Variants in TANGO6 observed in about 807,000 individuals in gnomAD.
TANGO6 encodes the protein transport and Golgi organization protein 6 homolog.
In TANGO6, 90 loss-of-function variants were observed where a neutral mutation model predicts 114.2. The observed-to-expected ratio is 0.79, with a 90% CI of 0.66 to 0.94. The LOEUF (loss-of-function observed/expected upper bound fraction) is 0.94, where lower values mean the gene tolerates loss of function less well. Ranked by LOEUF, TANGO6 falls within the 40% of genes least tolerant of loss-of-function variation. The pLI, the probability that TANGO6 is intolerant of heterozygous loss-of-function variation, is 0.00. For synonymous variants in TANGO6, 477 were observed against 509.8 expected, an observed-to-expected ratio of 0.94 and a Z score of 0.87; for missense variants, 1,274 against 1,315.3, an observed-to-expected ratio of 0.97 and a Z score of 0.49.
intron 15 of TANGO6, among the ~76,000 whole-genome samples, chr16:68,996,889 G>A (rs1216449012): frequency 6.6e-6 from 1 of 152,130 alleles, no homozygotes; most frequent in Admixed American, 6.5e-5. Flanking sequence ...CCTGGAGCCT[G>A]GAAAGAAGAT....
intron 15 of TANGO6, among the ~76,000 whole-genome samples, chr16:69,018,091 C>T (rs1339432115): frequency 6.1e-5 from 9 of 146,438 alleles, no homozygotes; most frequent in East Asian, 2.0e-4. Flanking sequence ...TTAGTAGAGA[C>T]GAGGTTTCAC....
chr16:68,920,574 A>T (rs1597020273), intron 12 of TANGO6, among the ~76,000 whole-genome samples: 1 of 152,082 alleles, frequency 6.6e-6, no homozygotes, highest in Admixed American at 6.6e-5. Context: ...TATGAAATCT[A>T]CCCTGCAGCC....
chr16:68,993,816 T>C (rs1963966944), intron 15 of TANGO6, among the ~76,000 whole-genome samples: 1 of 152,244 alleles, frequency 6.6e-6, no homozygotes. Flanking sequence ...GATTTTTTTC[T>C]TCTTTCAGTT....
At position 68,908,363 on chromosome 16, in the gene TANGO6, G is replaced by A. The variant is rs536421853; in HGVS notation, c.1800+788G>A. Among the ~76,000 whole-genome samples the A allele has an allele frequency of 2.6e-3, 392 of 152,074 alleles. 2 individuals carry two copies. The highest frequency in any genetic ancestry group is 8.2e-3 in the African/African-American group (340 of 41,496). ...CCCAGCAATACTCTTTCTAAATCAC[G>A]TTCCAAGGGGATGTGCTCTTAATTG... On this transcript the variant is annotated intron_variant, in intron 10 of 17. Transcript: ENST00000261778.
At chr16:68,859,376 G>T (rs184121222) in intron 1 of TANGO6, among the ~76,000 whole-genome samples, 1 of 152,022 alleles carries the variant, frequency 6.6e-6, no homozygotes, top group East Asian at 1.9e-4. Flanking sequence ...TCACTGTGTC[G>T]CCCAGGCTGG....
At chr16:68,991,264 C>T (rs2152218193) in intron 15 of TANGO6, among the ~76,000 whole-genome samples, 1 of 152,194 alleles carries the variant, frequency 6.6e-6, no homozygotes, top group East Asian at 1.9e-4. Context: ...TTAAAGGAAA[C>T]AGCATGATGA....
chr16:69,045,515 G>A (rs1416214336), intron 17 of TANGO6, among the ~76,000 whole-genome samples: 4 of 150,988 alleles, frequency 2.6e-5, no homozygotes, highest in South Asian at 2.1e-4. Context: ...AGGCCAAGGC[G>A]GGCGGATCAC....
chr16:69,046,451 T>G lies in TANGO6; in HGVS notation c.3108+6030T>G, dbSNP rs532393332. ...CTTCCACCTTAGCCTCCCTAGTAGC[T>G]GGGATTACAGGTATGTGCCACCACA... On this transcript the variant is annotated intron_variant, in intron 17 of 17. Coordinates refer to ENST00000261778, the MANE Select transcript of TANGO6 (RefSeq NM_024562.2). Among the ~76,000 whole-genome samples, 90 of 152,130 alleles carry G rather than the reference T, an allele frequency of 5.9e-4. 1 individual carries two copies. The highest frequency in any genetic ancestry group is 2.1e-3 in the African/African-American group (88 of 41,514).
At chr16:69,062,786 TTAAAAAAAAA>T (rs1960142499) in intron 17 of TANGO6, among the ~76,000 whole-genome samples, 1 of 104,166 alleles carries the variant, frequency 9.6e-6, no homozygotes, top group African/African-American at 3.3e-5. Context: ...AAAAAGAAAT[TTAAAAAAAAA>T]AAAAAAAAAA....
chr16:69,040,797 T>C (rs931743262), intron 17 of TANGO6, among the ~76,000 whole-genome samples: 2 of 152,182 alleles, frequency 1.3e-5, no homozygotes, highest in African/African-American at 4.8e-5. Context: ...GCTGAATTAC[T>C]AAAGGGCCTC....
At chr16:68,973,207 G>A (rs1361532734) in intron 14 of TANGO6, 14 of 454,514 alleles carry the variant, frequency 3.1e-5, no homozygotes, top group East Asian at 7.0e-5. Context: ...GATGGGCCAG[G>A]GTGCTTGGGG....
chr16:68,881,787 T>C (rs1410501841), intron 7 of TANGO6, among the ~76,000 whole-genome samples: 1 of 152,212 alleles, frequency 6.6e-6, no homozygotes, highest in Non-Finnish European at 1.5e-5. Flanking sequence ...ATGTGGTATA[T>C]GCTTTTGGAA....
intron 7 of TANGO6, among the ~76,000 whole-genome samples, chr16:68,895,555 G>A (rs1962692746): frequency 6.6e-6 from 1 of 152,118 alleles, no homozygotes; most frequent in East Asian, 1.9e-4. Flanking sequence ...TATATTCCTG[G>A]ACCAATTATA....
intron 11 of TANGO6, among the ~76,000 whole-genome samples, chr16:68,916,983 T>A: frequency 6.6e-6 from 1 of 152,138 alleles, no homozygotes; most frequent in Non-Finnish European, 1.5e-5. Flanking sequence ...TTTGGACAAA[T>A]TTGCAATGCC....
At chr16:68,913,071 C>CT (rs1567538310) in intron 11 of TANGO6, among the ~76,000 whole-genome samples, 1 of 140,860 alleles carries the variant, frequency 7.1e-6, no homozygotes, top group Non-Finnish European at 1.5e-5. Flanking sequence ...CAGAGTGAGA[C>CT]TCAAAAAAAA....
intron 15 of TANGO6, among the ~76,000 whole-genome samples, chr16:68,982,630 CTTTTT>C (rs562523656): frequency 3.8e-5 from 4 of 105,338 alleles, no homozygotes; most frequent in African/African-American, 9.4e-5. Context: ...ATGCCCTGGC[CTTTTT>C]TTTTTTTTTT....
At chr16:68,908,355 T>C (rs1396813538) in intron 10 of TANGO6, among the ~76,000 whole-genome samples, 2 of 152,140 alleles carry the variant, frequency 1.3e-5, no homozygotes, top group Non-Finnish European at 1.5e-5. Flanking sequence ...ATACTCTTTC[T>C]AAATCACGTT....
chr16:68,900,286 T>C, intron 7 of TANGO6, 148 bp from the exon 8 acceptor site: 1 of 643,718 alleles, frequency 1.6e-6, no homozygotes, highest in Admixed American at 2.9e-5. Context: ...TTCATTGCCA[T>C]ATCTGAGCAC....
rs563210154 is a variant in TANGO6, at chr16:69,021,718, GAC to G, written c.2843-1108_2843-1107del. 4.1e-3 allele frequency among the ~76,000 whole-genome samples: 622 copies of G among 152,200 alleles called. 5 individuals carry two copies. Among genetic ancestry groups the G allele is most frequent in the African/African-American group, 0.014 (591 of 41,528 alleles). On this transcript the variant is annotated intron_variant, in intron 15 of 17. Coordinates refer to ENST00000261778, the MANE Select transcript of TANGO6 (RefSeq NM_024562.2). Reference sequence around the variant, plus strand: ...CTTATCCAAGCAGACAGCAGGATAAGACAGGGAAAAGTAGGCTGATGATTGGG... The same window carrying G: ...CTTATCCAAGCAGACAGCAGGATAAGAGGGAAAAGTAGGCTGATGATTGGG...
Sources: allele counts gnomAD v4.1 joint callset (sites outside exome capture counted in the v4.1 genomes callset), GRCh38; gene constraint gnomAD v4.1.1; transcripts MANE v1.5; gene names NCBI Gene and HGNC (gene_info 2026-07-23, HGNC 2026-07-21).